The following FBN1 variants were observed in gnomAD, a reference collection of about 807,000 sequenced individuals.
FBN1 encodes fibrillin-1.
FBN1 carries 29 observed loss-of-function variants against 365.1 expected under a neutral mutation model. The ratio of observed to expected loss-of-function variants is 0.08; its 90% CI spans 0.06 to 0.11. FBN1 has a LOEUF of 0.11. Among genes scored for constraint, FBN1 ranks in the 10% least tolerant of loss-of-function variants. FBN1 has a pLI of 1.00. For missense variants in FBN1, 2,476 were observed against 3,703.2 expected (o/e 0.67, Z 8.60); for synonymous variants, 1,210 against 1,270.5 (o/e 0.95, Z 1.01).
Position 48,470,660 on chromosome 15 carries a change from A to T in FBN1, c.4433T>A (p.Leu1478Gln). ...TGTGCAGTTCCCGCCGCTTCTGTCC[A>T]GTTCGTAGCCTATCTCACACTCACA... ...FRCECEIGYELDRSGGNCTDV... is the reference protein window; with the variant it reads ...FRCECEIGYEQDRSGGNCTDV... Residue 1478 changes from leucine (L) to glutamine (Q), a missense_variant, in exon 36 of 66, where the codon CTG becomes CAG. Physicochemically the swap from Leu to Gln is moderately radical, Grantham distance 113. Transcript: ENST00000316623. 6.2e-7 allele frequency: 1 copy of T among 1,614,066 alleles called. No homozygotes were observed. The highest frequency in any genetic ancestry group is 8.5e-7 in the Non-Finnish European group (1 of 1,180,022).
At chr15:48,564,420 G>C (rs2044245181) in intron 6 of FBN1, among the ~76,000 whole-genome samples, 1 of 152,096 alleles carries the variant, frequency 6.6e-6, no homozygotes, top group African/African-American at 2.4e-5. Flanking sequence ...CTTTGTTGTG[G>C]GGTCACAGAA....
chr15:48,518,334 A>G (rs930760856), intron 10 of FBN1, among the ~76,000 whole-genome samples: 8 of 152,234 alleles, frequency 5.3e-5, no homozygotes, highest in Non-Finnish European at 1.2e-4. Context: ...ACTCATGACT[A>G]GTTCCCACTC....
At chr15:48,462,962 T>C in intron 42 of FBN1, 120 bp downstream of exon 42, 1 of 1,022,328 alleles carries the variant, frequency 9.8e-7, no homozygotes, top group Non-Finnish European at 1.5e-6. Flanking sequence ...CATGAGCCGT[T>C]TTTTTCCCTG....
intron 2 of FBN1, among the ~76,000 whole-genome samples, chr15:48,637,616 C>T (rs759259243): frequency 6.6e-6 from 1 of 152,208 alleles, no homozygotes; most frequent in Non-Finnish European, 1.5e-5. Flanking sequence ...CTCAGCTATA[C>T]TTACTCCAAG....
chr15:48,421,852 T>C, intron 61 of FBN1, 100 bp downstream of exon 61: 1 of 1,230,312 alleles, frequency 8.1e-7, no homozygotes, highest in East Asian at 2.4e-5. Flanking sequence ...ATATATTTCT[T>C]TGAGCTTTTA....
intron 6 of FBN1, among the ~76,000 whole-genome samples, chr15:48,544,327 G>A (rs1454409040): frequency 6.6e-6 from 1 of 151,920 alleles, no homozygotes; most frequent in Non-Finnish European, 1.5e-5. Flanking sequence ...CAACCTTTTG[G>A]CAAAATTTAC....
At chr15:48,417,501 C>T (rs2042912317) in intron 63 of FBN1, among the ~76,000 whole-genome samples, 1 of 143,378 alleles carries the variant, frequency 7.0e-6, no homozygotes, top group South Asian at 2.3e-4. Flanking sequence ...TCCTCCCCTC[C>T]TTCCTTCTCT....
Position 48,492,594 on chromosome 15 carries a change from G to GA in FBN1, c.2729-9dup, listed in dbSNP as rs35314876. On this transcript the variant is annotated splice_polypyrimidine_tract_variant and intron_variant, in intron 23 of 65. Coordinates refer to ENST00000316623, the MANE Select transcript of FBN1 (RefSeq NM_000138.5). ...CTTCACATTCATCTATATCTAAAAA[G>GA]AAAAAAAAAGTATAAAGTTAATATA... The GA allele has an allele frequency of 2.7e-4, 416 of 1,554,964 alleles. No individual in the cohort carries two copies. The highest frequency in any genetic ancestry group is 3.2e-4 in the Non-Finnish European group (369 of 1,136,100).
At chr15:48,471,930 T>A (rs553935651) in intron 35 of FBN1, among the ~76,000 whole-genome samples, 1 of 152,220 alleles carries the variant, frequency 6.6e-6, no homozygotes, top group Non-Finnish European at 1.5e-5. Flanking sequence ...CCAACACTTA[T>A]CAGAATGACA....
intron 6 of FBN1, among the ~76,000 whole-genome samples, chr15:48,565,520 A>T (rs945891619): frequency 8.6e-5 from 13 of 152,036 alleles, no homozygotes; most frequent in African/African-American, 3.1e-4. Context: ...TGCCAAGCTG[A>T]CCCCATTATT....
rs117673311 is a variant in FBN1, at chr15:48,453,506, T to C, written c.5423-822A>G. 7.2e-3 allele frequency among the ~76,000 whole-genome samples: 1,096 copies of C among 152,236 alleles called. 5 individuals carry two copies. Among genetic ancestry groups the C allele is most frequent in the Non-Finnish European group, 0.012 (805 of 67,998 alleles). On this transcript the variant is annotated intron_variant, in intron 44 of 65. Transcript: ENST00000316623. Reference sequence around the variant, plus strand: ...CCAGGGGTTAGGGGAGATTAGGGGATACACAGGCAAAGCACAGAGAATTTT... The same window carrying C: ...CCAGGGGTTAGGGGAGATTAGGGGACACACAGGCAAAGCACAGAGAATTTT...
intron 6 of FBN1, among the ~76,000 whole-genome samples, chr15:48,559,780 T>C (rs2044210006): frequency 6.6e-6 from 1 of 152,186 alleles, no homozygotes; most frequent in Non-Finnish European, 1.5e-5. Context: ...AAAGTTTTCA[T>C]ATCTAAGCAG....
chr15:48,575,396 T>C (rs985085293), intron 6 of FBN1, among the ~76,000 whole-genome samples: 3 of 152,318 alleles, frequency 2.0e-5, no homozygotes, highest in Admixed American at 6.5e-5. Context: ...GTTTCTTACA[T>C]GCACATATTG....
intron 50 of FBN1, 75 bp downstream of exon 50, chr15:48,441,646 T>C (rs1248021890): frequency 6.4e-7 from 1 of 1,566,148 alleles, no homozygotes; most frequent in African/African-American, 1.4e-5. Flanking sequence ...AACAGAGCTT[T>C]GCCATGTTTG....
intron 6 of FBN1, among the ~76,000 whole-genome samples, chr15:48,570,726 G>C (rs1017851710): frequency 1.3e-5 from 2 of 152,204 alleles, no homozygotes; most frequent in African/African-American, 4.8e-5. Flanking sequence ...AAAGAGCAAT[G>C]TTATTGCTCT....
At chr15:48,424,084 T>C (rs941819517) in intron 60 of FBN1, among the ~76,000 whole-genome samples, 2 of 152,242 alleles carry the variant, frequency 1.3e-5, no homozygotes, top group African/African-American at 4.8e-5. Context: ...TGAATAAATT[T>C]ATGGCTCTGA....
In FBN1 at chr15:48,415,557, C is replaced by T. The variant is rs2042895814; in HGVS notation, c.8030G>A (p.Gly2677Asp). 1.2e-6 allele frequency: 2 copies of T among 1,613,982 alleles called. No homozygotes were observed. Among genetic ancestry groups the T allele is most frequent in the Non-Finnish European group, 1.7e-6 (2 of 1,179,940 alleles). ...TTACCCTTGGCCTATGCGGAAGTAA[C>T]CAGGTGGACAGCCACACAGGTAACC... ...EGGYLCGCPP[G>D]YFRIGQGHCV... The change falls in exon 64 of 66, where the codon GGT becomes GAT. Residue 2677 changes from glycine (G) to aspartate (D), a missense_variant. Around this residue, in one of 5 missense-constraint regions of FBN1, gnomAD observed 1,780 missense variants for 2,840.8 expected, o/e 0.63. Transcript: ENST00000316623.
Position 48,543,214 on chromosome 15 carries a change from C to G in FBN1, c.539-5406G>C, listed in dbSNP as rs181896072. Among the ~76,000 whole-genome samples the G allele has an allele frequency of 1.4e-4, 22 of 152,312 alleles. No homozygotes were observed. In the East Asian group the frequency reaches 4.1e-3, roughly 28 times the overall value. On this transcript the variant is annotated intron_variant, in intron 6 of 65. Coordinates refer to ENST00000316623, the MANE Select transcript of FBN1 (RefSeq NM_000138.5). ...TTAGTAGAATTCCCATTTCCAGTCT[C>G]TTTCCTTCTAGTTTTACAAAGCACA...
intron 6 of FBN1, among the ~76,000 whole-genome samples, chr15:48,549,455 G>T (rs534026268): frequency 3.6e-4 from 55 of 152,292 alleles, no homozygotes; most frequent in Non-Finnish European, 5.3e-4. Flanking sequence ...GAAAGAGTTG[G>T]AGAGAGCATT....
Sources: allele counts gnomAD v4.1 joint callset (sites outside exome capture counted in the v4.1 genomes callset), GRCh38; gene constraint gnomAD v4.1.1; regional missense constraint gnomAD v4.1.1; transcripts MANE v1.5; gene names NCBI Gene and HGNC (gene_info 2026-07-23, HGNC 2026-07-21).